GAPVD1: variants seen among roughly 807,000 people sequenced by gnomAD.
GAPVD1 encodes GTPase activating protein and VPS9 domains 1.
GAPVD1 carries 35 observed loss-of-function variants against 155.5 expected under a neutral mutation model. The ratio of observed to expected loss-of-function variants is 0.23; its 90% confidence interval spans 0.17 to 0.30. The LOEUF is 0.30. Ranked by LOEUF, GAPVD1 falls within the 10% of genes least tolerant of loss-of-function variation. GAPVD1 has a pLI of 1.00. For synonymous variants in GAPVD1, 636 were observed against 619.7 expected, an observed-to-expected ratio of 1.03 and a Z score of -0.39; for missense variants, 1,429 against 1,775.7, an observed-to-expected ratio of 0.80 and a Z score of 3.51.
chr9:125,317,508 C>A (rs1439120294), intron 9 of GAPVD1, among the ~76,000 whole-genome samples: 1 of 149,768 alleles, frequency 6.7e-6, no homozygotes, highest in Non-Finnish European at 1.5e-5. Context: ...GCCTGTAATC[C>A]CAGTTACTCG....
At chr9:125,361,540 G>A (rs186275919) in intron 27 of GAPVD1, among the ~76,000 whole-genome samples, 94 of 151,666 alleles carry the variant, frequency 6.2e-4, no homozygotes, top group African/African-American at 2.1e-3. Context: ...AAAAAAAGCA[G>A]TGCCTGAAGT....
rs1849842543 is a variant in GAPVD1 at position 125,354,937 on chromosome 9, C to T, written c.3757+96C>T. 3 of 788,622 alleles carry T rather than the reference C, an allele frequency of 3.8e-6. No homozygotes were observed. In the South Asian group the frequency reaches 5.3e-5, roughly 14 times the overall value. 48.9% of individuals were successfully genotyped at this position (788,622 alleles called of 1,614,324 possible). ...TTGTTTTGCTAGTTTGTTCAAGTATCTGCATGCCTTAAATACCCAATTATT... is the reference window on the plus strand; with the variant it reads ...TTGTTTTGCTAGTTTGTTCAAGTATTTGCATGCCTTAAATACCCAATTATT... On this transcript the variant is annotated intron_variant, in intron 24 of 27. Transcript: ENST00000297933.
At position 125,307,793 on chromosome 9, in the gene GAPVD1, A is replaced by G; in HGVS notation, c.1354A>G (p.Ser452Gly). Residue 452 changes from serine (S) to glycine (G), a missense_variant, in exon 8 of 28, where the codon AGT (serine) becomes GGT (glycine). Physicochemically the swap from Ser to Gly is moderately conservative, Grantham distance 56 (BLOSUM62 0). Around this residue, in one of 4 missense-constraint regions of GAPVD1, gnomAD observed 628 missense variants for 733.4 expected, o/e 0.86. Transcript: ENST00000297933. Reference protein sequence around the residue: ...ANLPPAKPGKSSSLEMTPYNT... With the variant: ...ANLPPAKPGKGSSLEMTPYNT... ...CCTACCCCCGGCCAAGCCAGGAAAA[A>G]GTAGCAGTTTAGAAATGACTCCCTA... 5.6e-6 allele frequency: 9 copies of G among 1,613,836 alleles called. 1 individual carries two copies. The Middle Eastern group carries it at 5.0e-4, about 89-fold the overall frequency.
In GAPVD1 at chr9:125,360,521, C is replaced by T. The variant is rs1850757364; in HGVS notation, c.4045-7C>T. ...AGAATCTGTATATTGTCTATGGTCT[C>T]ACTTAGGTTTATCTTCGAGAAGCAC... is the stretch of plus-strand genomic sequence containing the variant. On this transcript the variant is annotated splice_region_variant and splice_polypyrimidine_tract_variant and intron_variant, in intron 26 of 27. Transcript: ENST00000297933. The T allele has an allele frequency of 1.2e-6, 2 of 1,611,708 alleles. No homozygotes were observed. Among genetic ancestry groups the T allele is most frequent in the Non-Finnish European group, 1.7e-6 (2 of 1,178,014 alleles).
chr9:125,300,095 G>T (rs868819893), intron 4 of GAPVD1, among the ~76,000 whole-genome samples: 3 of 88,356 alleles, frequency 3.4e-5, no homozygotes, highest in East Asian at 3.4e-4. Flanking sequence ...ATATATATAT[G>T]TATTTCCATG....
rs13291306 is a variant in GAPVD1, at chr9:125,362,519, A to G, written c.4243-87A>G. ...TCAAAAGGATTGGTATGTCTTTCAT[A>G]GAAGAACATTCGAAGAACACTTAAA... On this transcript the variant is annotated intron_variant, in intron 27 of 27. Coordinates refer to ENST00000297933, the MANE Select transcript of GAPVD1 (RefSeq NM_001282680.3). 82 of 1,084,410 alleles carry G rather than the reference A, an allele frequency of 7.6e-5. No homozygotes were observed. The East Asian group carries it at 2.0e-3, about 27-fold the overall frequency. The allele number at this position is 1,084,410 out of a possible 1,614,324, so 67.2% of individuals were successfully genotyped here. A position where few individuals can be genotyped will look rare whatever the true frequency, so the allele number is the denominator to read the frequency against.
chr9:125,323,940 C>T lies in GAPVD1; in HGVS notation c.1858+17C>T. On this transcript the variant is annotated intron_variant, in intron 11 of 27. Transcript: ENST00000297933. ...ATGAGCAAGGTAAAGTGAAGTTGAA[C>T]ACAGTTGCCTAAGTAGCAAAGAATT... 3 of 1,609,102 alleles carry T rather than the reference C, an allele frequency of 1.9e-6. No individual in the cohort carries two copies. The highest frequency in any genetic ancestry group is 2.5e-6 in the Non-Finnish European group (3 of 1,177,398).
At chr9:125,269,338 T>C (rs1414847488) in intron 2 of GAPVD1, among the ~76,000 whole-genome samples, 1 of 152,166 alleles carries the variant, frequency 6.6e-6, no homozygotes, top group South Asian at 2.1e-4. Context: ...TTTTTTGTCA[T>C]ACATATTTCC....
intron 2 of GAPVD1, among the ~76,000 whole-genome samples, chr9:125,287,597 G>A (rs1211757691): frequency 6.6e-6 from 1 of 152,128 alleles, no homozygotes; most frequent in African/African-American, 2.4e-5. Context: ...AGGATTGGAG[G>A]GGTGGATTGA....
intron 2 of GAPVD1, among the ~76,000 whole-genome samples, chr9:125,278,753 T>C (rs1482516087): frequency 1.3e-5 from 2 of 151,568 alleles, no homozygotes; most frequent in African/African-American, 4.9e-5. Flanking sequence ...GAAGATTGCT[T>C]GAGCTTGGGA....
intron 9 of GAPVD1, among the ~76,000 whole-genome samples, chr9:125,315,384 G>T (rs1328513591): frequency 6.6e-6 from 1 of 152,186 alleles, no homozygotes; most frequent in Non-Finnish European, 1.5e-5. Flanking sequence ...GCTGAATTTT[G>T]TTAAGAGAGC....
Position 125,312,567 on chromosome 9 carries a change from A to G in GAPVD1, c.1557A>G (p.Leu519=), listed in dbSNP as rs1265113458. Residue 519 remains leucine (L), a synonymous_variant, in exon 9 of 28, where the codon TTA becomes TTG. Coordinates refer to ENST00000297933, the MANE Select transcript of GAPVD1 (RefSeq NM_001282680.3). The stretch of plus-strand genomic sequence containing the variant: ...CAGAAGAGGTGTTGGTCATTTCCTT[A>G]GGTACAGGTCCCCAGCTTACTCCAG... ...VQPEEVLVIS[L]GTGPQLTPGM... 2 of 1,606,734 alleles carry G rather than the reference A, an allele frequency of 1.2e-6. No homozygotes were observed. Among genetic ancestry groups the G allele is most frequent in the Non-Finnish European group, 1.7e-6 (2 of 1,177,920 alleles).
In GAPVD1 at chr9:125,302,187, C is replaced by T. The variant is rs775116764; in HGVS notation, c.390C>T (p.Tyr130=). Residue 130 remains tyrosine (Y), a synonymous_variant, in exon 5 of 28, where the codon TAC becomes TAT. Transcript: ENST00000297933. ...LNQENTQSVI[Y]TVFTSLYGNC... ...AGGAGAACACACAAAGTGTTATTTACACAGTTTTTACCTCCCTGTATGGCA... is the reference window on the plus strand; with the variant it reads ...AGGAGAACACACAAAGTGTTATTTATACAGTTTTTACCTCCCTGTATGGCA... 2 of 1,613,692 alleles carry T rather than the reference C, an allele frequency of 1.2e-6. No individual in the cohort carries two copies. The highest frequency in any genetic ancestry group is 1.7e-6 in the Non-Finnish European group (2 of 1,179,700).
At chr9:125,350,653 A>G in intron 22 of GAPVD1, 60 bp from the exon 23 acceptor site, 3 of 1,045,886 alleles carry the variant, frequency 2.9e-6, no homozygotes, top group Non-Finnish European at 4.3e-6. Context: ...ATGCTGAATT[A>G]GCTTATTTAA....
intron 23 of GAPVD1, among the ~76,000 whole-genome samples, chr9:125,351,731 A>G (rs1257567443): frequency 1.3e-5 from 2 of 150,940 alleles, no homozygotes; most frequent in East Asian, 1.9e-4. Flanking sequence ...GTGGGTTCCC[A>G]TGGTCTTTCT....
intron 2 of GAPVD1, among the ~76,000 whole-genome samples, chr9:125,277,691 T>G: frequency 6.6e-6 from 1 of 151,808 alleles, no homozygotes; most frequent in Admixed American, 6.6e-5. Flanking sequence ...GTCTGTTTTT[T>G]TTTTTTTTTT....
intron 19 of GAPVD1, chr9:125,346,267 A>G (rs184588079): frequency 1.8e-5 from 3 of 162,994 alleles, no homozygotes; most frequent in Non-Finnish European, 2.7e-5. Context: ...AAAGTGCTCT[A>G]TTCCAGCAGC....
chr9:125,318,899 G>T (rs1034055534), intron 9 of GAPVD1, among the ~76,000 whole-genome samples: 1 of 152,054 alleles, frequency 6.6e-6, no homozygotes, highest in Admixed American at 6.6e-5. Context: ...AAATAGGCCA[G>T]GCGCAGTGGC....
chr9:125,360,355 G>T (rs890503412), intron 26 of GAPVD1, among the ~76,000 whole-genome samples, 173 bp from the exon 27 acceptor site: 1 of 152,162 alleles, frequency 6.6e-6, no homozygotes, highest in Non-Finnish European at 1.5e-5. Context: ...TTATTTAAAA[G>T]TTCTAAAGTT....
Sources: allele counts gnomAD v4.1 joint callset (sites outside exome capture counted in the v4.1 genomes callset), GRCh38; gene constraint gnomAD v4.1.1; regional missense constraint gnomAD v4.1.1; transcripts MANE v1.5; gene names NCBI Gene and HGNC (gene_info 2026-07-23, HGNC 2026-07-21).